PALM2AKAP2: variants seen among roughly 807,000 people sequenced by gnomAD.
The protein encoded by PALM2AKAP2 is PALM2 and AKAP2 fusion, also known as PALM2-AKAP2 fusion protein.
In PALM2AKAP2, 37 loss-of-function variants were observed where a neutral mutation model predicts 71.5. The observed-to-expected ratio is 0.52, with a 90% CI of 0.40 to 0.68. The LOEUF (loss-of-function observed/expected upper bound fraction) is 0.68, where lower values mean the gene tolerates loss of function less well. PALM2AKAP2 is among the 30% of genes least tolerant of loss of function. The pLI is 0.00. For synonymous variants in PALM2AKAP2, 468 were observed against 478.8 expected (o/e 0.98, Z 0.29); for missense variants, 1,224 against 1,191.8 (o/e 1.03, Z -0.40).
intron 3 of PALM2AKAP2, among the ~76,000 whole-genome samples, chr9:109,920,348 G>A (rs1473181225): frequency 6.6e-6 from 1 of 151,848 alleles, no homozygotes; most frequent in East Asian, 1.9e-4. Context: ...AGGAAGGAAG[G>A]GAATATTTTT....
intron 1 of PALM2AKAP2, among the ~76,000 whole-genome samples, chr9:110,091,015 T>C (rs1202535795): frequency 6.6e-6 from 1 of 151,814 alleles, no homozygotes; most frequent in East Asian, 1.9e-4. Context: ...TCGGCATGGG[T>C]AAAGCTAAAG....
chr9:110,041,413 A>C (rs2132460605), intron 7 of PALM2AKAP2, among the ~76,000 whole-genome samples: 1 of 152,250 alleles, frequency 6.6e-6, no homozygotes. Flanking sequence ...AGTCTGGAAC[A>C]CAGTGTAAAC....
At chr9:109,927,161 C>G (rs1375095661) in intron 5 of PALM2AKAP2, among the ~76,000 whole-genome samples, 1 of 152,156 alleles carries the variant, frequency 6.6e-6, no homozygotes, top group Non-Finnish European at 1.5e-5. Flanking sequence ...TATCACCAAG[C>G]CTGGGTGACC....
At chr9:109,710,227 T>G (rs1828211719) in intron 1 of PALM2AKAP2, among the ~76,000 whole-genome samples, 1 of 152,208 alleles carries the variant, frequency 6.6e-6, no homozygotes, top group South Asian at 2.1e-4. Flanking sequence ...TTTCTGTTGT[T>G]TTTGGTCAGT....
intron 1 of PALM2AKAP2, among the ~76,000 whole-genome samples, chr9:109,655,360 A>G (rs1827287783): frequency 6.6e-6 from 1 of 152,016 alleles, no homozygotes; most frequent in African/African-American, 2.4e-5. Context: ...GTGACAAGGA[A>G]CAGAGATTTA....
intron 3 of PALM2AKAP2, among the ~76,000 whole-genome samples, chr9:110,165,316 ACACACACACACACG>A (rs1199115649): frequency 5.4e-5 from 7 of 130,282 alleles, no homozygotes; most frequent in Non-Finnish European, 1.2e-4. Flanking sequence ...ACACACACAC[ACACACACACACACG>A]TCTGAATTAA....
chr9:110,020,284 G>A (rs2132361523), intron 7 of PALM2AKAP2, among the ~76,000 whole-genome samples: 1 of 152,218 alleles, frequency 6.6e-6, no homozygotes, highest in Middle Eastern at 3.4e-3. Flanking sequence ...TGTTTTGAAG[G>A]TGCTTGCTTT....
At chr9:110,029,842 T>C (rs1351465553) in intron 7 of PALM2AKAP2, among the ~76,000 whole-genome samples, 1 of 152,172 alleles carries the variant, frequency 6.6e-6, no homozygotes, top group African/African-American at 2.4e-5. Context: ...AAATTACCAT[T>C]CATGTCCCTG....
intron 6 of PALM2AKAP2, among the ~76,000 whole-genome samples, chr9:110,013,520 A>G (rs943337152): frequency 2.6e-5 from 4 of 152,232 alleles, no homozygotes; most frequent in Non-Finnish European, 4.4e-5. Context: ...TTTTTCTTCT[A>G]TAAACTTGCA....
chr9:109,899,202 C>A (rs1477616544), intron 3 of PALM2AKAP2, among the ~76,000 whole-genome samples: 1 of 152,116 alleles, frequency 6.6e-6, no homozygotes, highest in Admixed American at 6.6e-5. Context: ...TCATTACTTT[C>A]TCTGATTGAT....
At chr9:110,010,948 A>G (rs1832870555) in intron 6 of PALM2AKAP2, among the ~76,000 whole-genome samples, 1 of 134,564 alleles carries the variant, frequency 7.4e-6, no homozygotes, top group Non-Finnish European at 1.5e-5. Flanking sequence ...ATGAGCCAAG[A>G]TGGTGCCATT....
intron 1 of PALM2AKAP2, among the ~76,000 whole-genome samples, chr9:109,773,023 C>T (rs1829294428): frequency 6.6e-6 from 1 of 152,140 alleles, no homozygotes; most frequent in Non-Finnish European, 1.5e-5. Flanking sequence ...GAGGCTAAGG[C>T]CGGAGAATGG....
At chr9:109,674,169 C>CT (rs1382675285) in intron 1 of PALM2AKAP2, among the ~76,000 whole-genome samples, 6 of 151,828 alleles carry the variant, frequency 4.0e-5, no homozygotes, top group African/African-American at 1.2e-4. Context: ...TCTAGGATTT[C>CT]TTTTTTGTTT....
At chr9:109,834,183 A>G (rs929053143) in intron 1 of PALM2AKAP2, among the ~76,000 whole-genome samples, 6 of 152,250 alleles carry the variant, frequency 3.9e-5, no homozygotes, top group Non-Finnish European at 8.8e-5. Flanking sequence ...ACTGCATTCC[A>G]GCCTGGGTGA....
intron 1 of PALM2AKAP2, among the ~76,000 whole-genome samples, chr9:110,096,909 C>T (rs987249298): frequency 6.6e-6 from 1 of 151,508 alleles, no homozygotes; most frequent in Non-Finnish European, 1.5e-5. Context: ...CCTCTTTTAA[C>T]AGAATCACAG....
chr9:110,142,524 A>C (rs908574265), intron 2 of PALM2AKAP2, among the ~76,000 whole-genome samples: 2 of 152,256 alleles, frequency 1.3e-5, no homozygotes, highest in Non-Finnish European at 2.9e-5. Context: ...AAACAACATT[A>C]AACAAATGAG....
intron 1 of PALM2AKAP2, among the ~76,000 whole-genome samples, chr9:109,827,808 G>GA (rs987634750): frequency 2.0e-5 from 3 of 151,458 alleles, no homozygotes; most frequent in African/African-American, 4.9e-5. Context: ...CACTGCTACT[G>GA]AAAAAAAACC....
At chr9:109,798,964 C>T (rs10980048) in intron 1 of PALM2AKAP2, among the ~76,000 whole-genome samples, 27,055 of 152,160 alleles carry the variant, frequency 0.18, 2,725 homozygotes, top group East Asian at 0.3. Context: ...TGCTGCCCTC[C>T]GTTTCCCCTC....
chr9:109,845,916 G>C (rs777771794), intron 1 of PALM2AKAP2, among the ~76,000 whole-genome samples: 3 of 152,170 alleles, frequency 2.0e-5, no homozygotes, highest in Non-Finnish European at 4.4e-5. Context: ...AAAGGATATA[G>C]AGCAGGACAA....
Sources: gnomAD v4.1 joint callset for allele counts (sites outside exome capture counted in the v4.1 genomes callset) on GRCh38, gnomAD v4.1.1 for gene constraint, MANE v1.5 for transcripts, NCBI Gene and HGNC (gene_info 2026-07-23, HGNC 2026-07-21) for gene names.